The following PCDH15 variants were observed in gnomAD, a reference collection of about 807,000 sequenced individuals.
PCDH15 encodes protocadherin related 15, also known as protocadherin-15.
In PCDH15, 129 loss-of-function variants were observed where a neutral mutation model predicts 178.5. The ratio of observed to expected loss-of-function variants is 0.72; its 90% CI spans 0.63 to 0.84. The LOEUF (loss-of-function observed/expected upper bound fraction) is 0.84, where lower values mean the gene tolerates loss of function less well. Among genes scored for constraint, PCDH15 ranks in the 40% least tolerant of loss-of-function variants. The pLI is 0.00. For synonymous variants in PCDH15, 800 were observed against 732.0 expected (o/e 1.09, Z -1.50); for missense variants, 2,230 against 2,099.9 (o/e 1.06, Z -1.21).
At chr10:55,276,112 G>T (rs1297814451) in intron 1 of PCDH15, among the ~76,000 whole-genome samples, 1 of 150,266 alleles carries the variant, frequency 6.7e-6, no homozygotes, top group Admixed American at 6.6e-5. Context: ...AAAAAAATTC[G>T]TATTAATTCC....
intron 3 of PCDH15, among the ~76,000 whole-genome samples, chr10:54,509,070 C>T (rs936956464): frequency 6.6e-6 from 1 of 151,970 alleles, no homozygotes; most frequent in Non-Finnish European, 1.5e-5. Context: ...CAAAAATTTT[C>T]AGATTTTAGA....
At chr10:54,850,478 T>G (rs188241933) in intron 3 of PCDH15, among the ~76,000 whole-genome samples, 1 of 152,178 alleles carries the variant, frequency 6.6e-6, no homozygotes, top group East Asian at 1.9e-4. Flanking sequence ...GTCCATTGTA[T>G]CCTTCTTATG....
intron 1 of PCDH15, among the ~76,000 whole-genome samples, chr10:55,216,642 G>T (rs935026631): frequency 6.6e-6 from 1 of 151,804 alleles, no homozygotes; most frequent in African/African-American, 2.4e-5. Context: ...TGATGGATAT[G>T]CTAATTACCT....
chr10:54,414,599 T>C (rs1484426716), intron 3 of PCDH15, among the ~76,000 whole-genome samples: 1 of 152,148 alleles, frequency 6.6e-6, no homozygotes, highest in Admixed American at 6.5e-5. Flanking sequence ...AGTTGTCAAC[T>C]TTTTACTATA....
chr10:54,166,791 C>T (rs998521568), intron 13 of PCDH15, among the ~76,000 whole-genome samples: 1 of 152,168 alleles, frequency 6.6e-6, no homozygotes, highest in African/African-American at 2.4e-5. Flanking sequence ...CCCTGCCCCA[C>T]CTTAACTGAT....
At chr10:53,915,984 A>C (rs1330985294) in intron 25 of PCDH15, among the ~76,000 whole-genome samples, 2 of 152,200 alleles carry the variant, frequency 1.3e-5, no homozygotes. Context: ...CTGATACCAG[A>C]ATCCACATAT....
At chr10:54,034,350 A>G (rs1332669871) in intron 18 of PCDH15, among the ~76,000 whole-genome samples, 1 of 151,762 alleles carries the variant, frequency 6.6e-6, no homozygotes, top group Non-Finnish European at 1.5e-5. Flanking sequence ...TCACAGGGAT[A>G]GAGCCAGATA....
At chr10:54,475,788 A>T (rs1385041340) in intron 3 of PCDH15, among the ~76,000 whole-genome samples, 1 of 151,508 alleles carries the variant, frequency 6.6e-6, no homozygotes, top group East Asian at 2.0e-4. Flanking sequence ...TTGTGCAGGA[A>T]TGCCATATGA....
At chr10:54,718,800 G>A (rs980980073) in intron 1 of PCDH15, among the ~76,000 whole-genome samples, 3 of 147,706 alleles carry the variant, frequency 2.0e-5, no homozygotes, top group South Asian at 2.1e-4. Flanking sequence ...CAAGCAATTC[G>A]ATTCTCCTGC....
intron 26 of PCDH15, among the ~76,000 whole-genome samples, chr10:53,873,510 A>G (rs2080016440): frequency 6.6e-6 from 1 of 152,224 alleles, no homozygotes; most frequent in African/African-American, 2.4e-5. Flanking sequence ...AGAGATTAGT[A>G]ACTTGTTCAT....
In PCDH15 at chr10:54,560,872, A is replaced by T. The variant is rs117855019; in HGVS notation, c.92-32995T>A. ...TTTCAAAATTGATTCACATGAGCTA[A>T]CATTAAAACCATTGGATGGGTTGTG... is the stretch of plus-strand genomic sequence containing the variant. On this transcript the variant is annotated intron_variant, in intron 2 of 37. Coordinates refer to ENST00000644397, the MANE Select transcript of PCDH15 (RefSeq NM_001384140.1). Among the ~76,000 whole-genome samples the T allele has an allele frequency of 3.6e-3, 548 of 152,230 alleles. 3 individuals carry two copies. Among genetic ancestry groups the T allele is most frequent in the Non-Finnish European group, 5.1e-3 (344 of 67,968 alleles).
At chr10:55,398,183 A>AG (rs398013545) in intron 2 of PCDH15, among the ~76,000 whole-genome samples, 1 of 151,554 alleles carries the variant, frequency 6.6e-6, no homozygotes, top group Non-Finnish European at 1.5e-5. Flanking sequence ...AAAAAAAAAA[A>AG]TCCCTTAGTG....
intron 28 of PCDH15, among the ~76,000 whole-genome samples, chr10:53,844,756 G>A (rs372311367): frequency 7.9e-4 from 120 of 152,026 alleles, no homozygotes; most frequent in African/African-American, 2.6e-3. Context: ...TTAAACATAA[G>A]ACATAAAACT....
At chr10:55,535,926 A>G (rs1841569156) in intron 2 of PCDH15, among the ~76,000 whole-genome samples, 1 of 152,080 alleles carries the variant, frequency 6.6e-6, no homozygotes, top group Non-Finnish European at 1.5e-5. Context: ...CTTGCTTAAG[A>G]TATTAAAATA....
At chr10:53,878,146 A>G (rs546575552) in intron 26 of PCDH15, among the ~76,000 whole-genome samples, 1 of 147,280 alleles carries the variant, frequency 6.8e-6, no homozygotes, top group South Asian at 2.1e-4. Flanking sequence ...TTTGTCTGCT[A>G]GGCCAAATGA....
intron 2 of PCDH15, among the ~76,000 whole-genome samples, chr10:55,102,858 GA>G (rs1386628435): frequency 4.0e-5 from 6 of 151,770 alleles, no homozygotes; most frequent in East Asian, 3.9e-4. Context: ...AAAAACTAGA[GA>G]AAAAAATGTT....
At chr10:55,533,212 G>A (rs12220689) in intron 2 of PCDH15, among the ~76,000 whole-genome samples, 46,500 of 151,862 alleles carry the variant, frequency 0.31, 7,217 homozygotes, top group African/African-American at 0.36. Context: ...GCATAGTATT[G>A]GAATTCCTGC....
intron 3 of PCDH15, among the ~76,000 whole-genome samples, chr10:54,835,744 A>C (rs1375943433): frequency 6.6e-6 from 1 of 152,188 alleles, no homozygotes; most frequent in East Asian, 1.9e-4. Context: ...CAATATTCAG[A>C]AAAATATATA....
At chr10:55,378,410 T>C (rs1309415800) in intron 2 of PCDH15, among the ~76,000 whole-genome samples, 1 of 152,112 alleles carries the variant, frequency 6.6e-6, no homozygotes, top group African/African-American at 2.4e-5. Context: ...TGGAATTTGG[T>C]GCTATTCTCA....
Sources: gnomAD v4.1 joint callset for allele counts (sites outside exome capture counted in the v4.1 genomes callset) on GRCh38, gnomAD v4.1.1 for gene constraint, MANE v1.5 for transcripts, NCBI Gene and HGNC (gene_info 2026-07-23, HGNC 2026-07-21) for gene names.